The following GRID2 variants were observed in gnomAD, a reference collection of about 807,000 sequenced individuals.
GRID2 encodes glutamate ionotropic receptor delta type subunit 2, also known as glutamate receptor ionotropic, delta-2.
In GRID2, 33 loss-of-function variants were observed where a neutral mutation model predicts 114.8. The ratio of observed to expected loss-of-function variants is 0.29; its 90% CI spans 0.22 to 0.38. The LOEUF (loss-of-function observed/expected upper bound fraction) is 0.38. GRID2 is among the 10% of genes least tolerant of loss of function. The probability of loss-of-function intolerance (pLI) is 1.00; values close to 1 mark genes in which losing one functional copy is unlikely to be tolerated. For synonymous variants in GRID2, 505 were observed against 449.9 expected, an observed-to-expected ratio of 1.12 and a Z score of -1.55; for missense variants, 1,184 against 1,257.7, an observed-to-expected ratio of 0.94 and a Z score of 0.89.
intron 13 of GRID2, among the ~76,000 whole-genome samples, chr4:93,515,616 C>G (rs539440725): frequency 3.3e-5 from 5 of 152,158 alleles, no homozygotes; most frequent in South Asian, 4.1e-4. Context: ...TCTAACAGAT[C>G]AGTTTCCATT....
chr4:92,909,693 T>A (rs1345016088), intron 2 of GRID2, among the ~76,000 whole-genome samples: 4 of 152,156 alleles, frequency 2.6e-5, no homozygotes, highest in Non-Finnish European at 4.4e-5. Flanking sequence ...CTCCTTGGGA[T>A]GTCTATAGTG....
chr4:92,772,809 C>T (rs1307522257), intron 2 of GRID2, among the ~76,000 whole-genome samples: 1 of 152,148 alleles, frequency 6.6e-6, no homozygotes, highest in African/African-American at 2.4e-5. Flanking sequence ...TACTGTTTGT[C>T]ATGGGACCTG....
chr4:92,488,980 G>T (rs1723026169), intron 1 of GRID2, among the ~76,000 whole-genome samples: 1 of 152,108 alleles, frequency 6.6e-6, no homozygotes, highest in Admixed American at 6.6e-5. Context: ...TATAACACAA[G>T]CATACCTAGT....
chr4:92,778,394 A>G (rs1038408540), intron 2 of GRID2, among the ~76,000 whole-genome samples: 3 of 152,074 alleles, frequency 2.0e-5, no homozygotes, highest in African/African-American at 7.2e-5. Context: ...GATTTTGCCT[A>G]GTATATTCCT....
chr4:93,325,645 A>C lies in GRID2; in HGVS notation c.1246-69962A>C, dbSNP rs545820521. Among the ~76,000 whole-genome samples the C allele has an allele frequency of 3.3e-5, 5 of 152,094 alleles. No individual in the cohort carries two copies. The East Asian group carries it at 7.7e-4, about 23-fold the overall frequency. ...GAAGTTCTCCCTCTTATTCAGTTTCAATTATTCCTGGTAAATTTTGATAGT... is the reference window on the plus strand; with the variant it reads ...GAAGTTCTCCCTCTTATTCAGTTTCCATTATTCCTGGTAAATTTTGATAGT... On this transcript the variant is annotated intron_variant, in intron 8 of 15. Transcript: ENST00000282020.
At chr4:93,051,879 GTTT>G in intron 2 of GRID2, among the ~76,000 whole-genome samples, 1 of 150,724 alleles carries the variant, frequency 6.6e-6, no homozygotes, top group Non-Finnish European at 1.5e-5. Flanking sequence ...TGTTTGTCCA[GTTT>G]TTTTTTCTAT....
In GRID2 at chr4:93,505,874, T is replaced by A. The variant is rs148359872; in HGVS notation, c.1998-9342T>A. Among the ~76,000 whole-genome samples, 251 of 152,220 alleles carry A rather than the reference T, an allele frequency of 1.6e-3. 1 individual carries two copies. The highest frequency in any genetic ancestry group is 5.6e-3 in the African/African-American group (234 of 41,560). ...TTCATGATGTGACACAATTAGTTTC[T>A]AGCTTGTAATGTGGGTCAATAAGTC... On this transcript the variant is annotated intron_variant, in intron 12 of 15. Coordinates refer to ENST00000282020, the MANE Select transcript of GRID2 (RefSeq NM_001510.4).
At chr4:92,979,078 T>C (rs1318225464) in intron 2 of GRID2, among the ~76,000 whole-genome samples, 1 of 152,034 alleles carries the variant, frequency 6.6e-6, no homozygotes, top group Non-Finnish European at 1.5e-5. Flanking sequence ...TGTCCGACAT[T>C]ATAACCACTA....
At chr4:92,838,445 T>C (rs1742631222) in intron 2 of GRID2, among the ~76,000 whole-genome samples, 1 of 152,122 alleles carries the variant, frequency 6.6e-6, no homozygotes, top group Admixed American at 6.6e-5. Flanking sequence ...ATGCAAGTTC[T>C]CTGTACTATA....
intron 2 of GRID2, among the ~76,000 whole-genome samples, chr4:92,845,562 T>C (rs36072806): frequency 0.18 from 27,090 of 151,960 alleles, 2,727 homozygotes; most frequent in Middle Eastern, 0.27. Context: ...ACATAGTAAA[T>C]ATACCATCCT....
At chr4:92,528,294 T>A (rs971292387) in intron 1 of GRID2, among the ~76,000 whole-genome samples, 7 of 145,218 alleles carry the variant, frequency 4.8e-5, no homozygotes, top group African/African-American at 7.8e-5. Flanking sequence ...ATATATATAT[T>A]TTGAGTATAT....
At chr4:93,560,389 A>G (rs1310424077) in intron 13 of GRID2, among the ~76,000 whole-genome samples, 1 of 152,038 alleles carries the variant, frequency 6.6e-6, no homozygotes, top group Non-Finnish European at 1.5e-5. Context: ...TACTCGTGGT[A>G]GAAGGAGAAG....
At chr4:93,409,388 G>A (rs749171712) in intron 9 of GRID2, among the ~76,000 whole-genome samples, 5 of 152,178 alleles carry the variant, frequency 3.3e-5, no homozygotes, top group Middle Eastern at 3.4e-3. Context: ...AGCTGTATTG[G>A]GGGTAGTGTC....
chr4:92,503,951 A>G (rs1404783472), intron 1 of GRID2, among the ~76,000 whole-genome samples: 1 of 152,086 alleles, frequency 6.6e-6, no homozygotes, highest in Non-Finnish European at 1.5e-5. Flanking sequence ...AAATAATAAC[A>G]GTTAGATTGA....
intron 8 of GRID2, among the ~76,000 whole-genome samples, chr4:93,365,056 T>C (rs1482400093): frequency 6.6e-6 from 1 of 152,158 alleles, no homozygotes; most frequent in Non-Finnish European, 1.5e-5. Flanking sequence ...CAGCCTATTC[T>C]CTTTGTTGGT....
At chr4:93,615,283 C>G (rs1411992112) in intron 13 of GRID2, among the ~76,000 whole-genome samples, 3 of 152,114 alleles carry the variant, frequency 2.0e-5, no homozygotes, top group Non-Finnish European at 4.4e-5. Context: ...ATCATATAAG[C>G]TAAATATATC....
intron 1 of GRID2, among the ~76,000 whole-genome samples, chr4:92,314,505 AC>A (rs1424748348): frequency 2.6e-5 from 4 of 152,060 alleles, no homozygotes; most frequent in African/African-American, 4.8e-5. Context: ...GTGTAGAGGG[AC>A]AAAAAGGATA....
intron 2 of GRID2, among the ~76,000 whole-genome samples, chr4:92,921,443 A>T (rs1369181825): frequency 6.6e-6 from 1 of 151,714 alleles, no homozygotes; most frequent in Non-Finnish European, 1.5e-5. Flanking sequence ...TAGAGTTTCC[A>T]GTTTTTCTGC....
chr4:92,837,918 TG>T (rs560317390), intron 2 of GRID2, among the ~76,000 whole-genome samples: 68 of 152,258 alleles, frequency 4.5e-4, no homozygotes, highest in African/African-American at 1.5e-3. Context: ...CTTTTACATA[TG>T]TCACTTGACT....
Sources: gnomAD v4.1 joint callset for allele counts (sites outside exome capture counted in the v4.1 genomes callset) on GRCh38, gnomAD v4.1.1 for gene constraint, MANE v1.5 for transcripts, NCBI Gene and HGNC (gene_info 2026-07-23, HGNC 2026-07-21) for gene names.